Variants in KIAA1217 observed in about 807,000 individuals in gnomAD.
The protein encoded by KIAA1217 is KIAA1217.
KIAA1217 carries 88 observed loss-of-function variants against 163.9 expected under a neutral mutation model. The ratio of observed to expected loss-of-function variants is 0.54; its 90% confidence interval spans 0.45 to 0.64. The LOEUF (loss-of-function observed/expected upper bound fraction) is 0.64, where lower values mean the gene tolerates loss of function less well. Among genes scored for constraint, KIAA1217 ranks in the 30% least tolerant of loss-of-function variants. The probability of loss-of-function intolerance (pLI) is 0.00; values close to 1 mark genes in which losing one functional copy is unlikely to be tolerated. For synonymous variants in KIAA1217, 903 were observed against 923.1 expected (o/e 0.98, Z 0.39); for missense variants, 2,372 against 2,475.0 (o/e 0.96, Z 0.88).
At chr10:24,291,141 A>G (rs2079048232) in intron 2 of KIAA1217, among the ~76,000 whole-genome samples, 1 of 152,208 alleles carries the variant, frequency 6.6e-6, no homozygotes, top group African/African-American at 2.4e-5. Flanking sequence ...CTTGTGGACA[A>G]CAAAGACCCA....
chr10:23,801,344 G>C (rs1836457344), intron 1 of KIAA1217, among the ~76,000 whole-genome samples: 1 of 152,170 alleles, frequency 6.6e-6, no homozygotes, highest in Non-Finnish European at 1.5e-5. Context: ...AAGACTAGGG[G>C]AGGGATAGCG....
intron 6 of KIAA1217, among the ~76,000 whole-genome samples, chr10:24,491,488 C>A (rs2066141966): frequency 6.6e-6 from 1 of 151,954 alleles, no homozygotes; most frequent in Non-Finnish European, 1.5e-5. Flanking sequence ...CGGGATTTCA[C>A]CATGTTGGCC....
intron 1 of KIAA1217, among the ~76,000 whole-genome samples, chr10:23,832,579 C>A (rs901794335): frequency 1.3e-5 from 2 of 152,128 alleles, no homozygotes; most frequent in African/African-American, 4.8e-5. Context: ...GCAGCCACCT[C>A]CCCATCCTAG....
rs148009176 is a variant in KIAA1217 at position 24,398,142 on chromosome 10, A to T, written c.553+17075A>T. ...GAGCAGAAGGCTTGCCAATAACATAAGTAGTCAATTAACACATATTCGTAT... is the reference window on the plus strand; with the variant it reads ...GAGCAGAAGGCTTGCCAATAACATATGTAGTCAATTAACACATATTCGTAT... On this transcript the variant is annotated intron_variant, in intron 3 of 20. Transcript: ENST00000376454. 2.0e-5 allele frequency among the ~76,000 whole-genome samples: 3 copies of T among 152,346 alleles called. No individual in the cohort carries two copies. In the East Asian group the frequency reaches 5.8e-4, roughly 29 times the overall value.
chr10:24,487,333 G>A (rs1251029299), intron 6 of KIAA1217, among the ~76,000 whole-genome samples: 3 of 152,218 alleles, frequency 2.0e-5, no homozygotes, highest in African/African-American at 7.2e-5. Context: ...CCGAAGCCTA[G>A]GATCAGGAAG....
intron 1 of KIAA1217, among the ~76,000 whole-genome samples, chr10:23,802,157 A>G (rs1836497919): frequency 6.6e-6 from 1 of 152,176 alleles, no homozygotes; most frequent in South Asian, 2.1e-4. Context: ...AAGGGCAGAT[A>G]CATGAGCTTG....
In KIAA1217 at chr10:23,738,974, G is replaced by T. The variant is rs148460852; in HGVS notation, c.-321+43740G>T. 4.2e-4 allele frequency among the ~76,000 whole-genome samples: 64 copies of T among 152,210 alleles called. 4 individuals are homozygous for T. The East Asian group carries it at 0.012, about 29-fold the overall frequency. ...TAGGGAAAGGAGAGAAGAATTTTTG[G>T]ATCAGGTGCATGGGTTGCTTTTAAA... On this transcript the variant is annotated intron_variant, in intron 1 of 18. Coordinates refer to the KIAA1217 transcript ENST00000376462.
In KIAA1217 at chr10:23,834,741, G is replaced by A. The variant is rs1588911961; in HGVS notation, c.-321+139507G>A. Among the ~76,000 whole-genome samples the A allele has an allele frequency of 2.0e-5, 3 of 152,216 alleles. No homozygotes were observed. The East Asian group carries it at 5.8e-4, about 29-fold the overall frequency. On this transcript the variant is annotated intron_variant, in intron 1 of 18. Transcript: ENST00000376462. Reference sequence around the variant, plus strand: ...ATAAAACTAAATGGATTGCATGTGGGTTATGATAGAAGAATCAAGGACAAC... The same window carrying A: ...ATAAAACTAAATGGATTGCATGTGGATTATGATAGAAGAATCAAGGACAAC...
rs1052247537 is a variant in KIAA1217, at chr10:24,509,052, G to A, written c.2002-4207G>A. On this transcript the variant is annotated intron_variant, in intron 9 of 20. Coordinates refer to ENST00000376454, the MANE Select transcript of KIAA1217 (RefSeq NM_019590.5). ...ATGTTTTATTGTCTGTAAACTTTGT[G>A]CCTCAAGACAGTTGATTTTAACTAT... Among the ~76,000 whole-genome samples the A allele has an allele frequency of 2.6e-5, 4 of 152,196 alleles. No individual in the cohort carries two copies. The South Asian group carries it at 6.2e-4, about 24-fold the overall frequency.
Position 24,292,909 on chromosome 10 carries a change from G to C in KIAA1217, c.354+73000G>C, listed in dbSNP as rs369796657. Among the ~76,000 whole-genome samples, 6 of 152,178 alleles carry C rather than the reference G, an allele frequency of 3.9e-5. No homozygotes were observed. In the East Asian group the frequency reaches 5.8e-4, roughly 15 times the overall value. ...AAAGGTGGCCTGAAATATGATCTGA[G>C]TATATCTGGAAATACGCAGACATCT... is the stretch of plus-strand genomic sequence containing the variant. On this transcript the variant is annotated intron_variant, in intron 2 of 20. Transcript: ENST00000376454.
chr10:24,267,590 G>A (rs1397409508), intron 2 of KIAA1217, among the ~76,000 whole-genome samples: 1 of 152,264 alleles, frequency 6.6e-6, no homozygotes, highest in East Asian at 1.9e-4. Flanking sequence ...TGGGATTACA[G>A]GCATGAGCCA....
chr10:24,462,390 C>T (rs1365181916), intron 5 of KIAA1217, among the ~76,000 whole-genome samples: 2 of 152,110 alleles, frequency 1.3e-5, no homozygotes, highest in African/African-American at 4.8e-5. Context: ...ATGTTTCACA[C>T]CATGGCCAGA....
chr10:24,543,370 A>C lies in KIAA1217; in HGVS notation c.4100A>C (p.Glu1367Ala). 1.9e-6 allele frequency: 3 copies of C among 1,614,202 alleles called. No individual in the cohort carries two copies. The highest frequency in any genetic ancestry group is 2.5e-6 in the Non-Finnish European group (3 of 1,180,034). Residue 1367 changes from glutamate (E) to alanine (A), a missense_variant, in exon 19 of 21, where the codon GAA becomes GCA. Physicochemically the swap from Glu to Ala is moderately radical, Grantham distance 107. Around this residue, in one of 3 missense-constraint regions of KIAA1217, gnomAD observed 251 missense variants for 327.3 expected, o/e 0.77. Transcript: ENST00000376454. ...AACGTGAACCCTAATGAGGATGGAGAATCAAGTTCAAGTTCTCCCACTGAA... is the reference window on the plus strand; with the variant it reads ...AACGTGAACCCTAATGAGGATGGAGCATCAAGTTCAAGTTCTCCCACTGAA... ...HANVNPNEDG[E>A]SSSSSPTEEN...
intron 5 of KIAA1217, among the ~76,000 whole-genome samples, chr10:24,457,324 C>T (rs1409952762): frequency 5.1e-5 from 7 of 137,456 alleles, no homozygotes; most frequent in Non-Finnish European, 1.1e-4. Context: ...TAATCAAGAA[C>T]TTTTTGTTTG....
intron 9 of KIAA1217, among the ~76,000 whole-genome samples, chr10:24,507,956 G>C (rs1202497288): frequency 2.0e-5 from 3 of 152,176 alleles, no homozygotes; most frequent in Non-Finnish European, 4.4e-5. Flanking sequence ...ACAGTGGAAT[G>C]ACGTCTTTAA....
chr10:23,745,324 T>TA (rs1389417816), intron 1 of KIAA1217, among the ~76,000 whole-genome samples: 1 of 152,218 alleles, frequency 6.6e-6, no homozygotes, highest in Admixed American at 6.5e-5. Flanking sequence ...GAAAGCACAT[T>TA]ATATGACACT....
chr10:24,435,829 C>G (rs1295963488), intron 4 of KIAA1217, among the ~76,000 whole-genome samples: 3 of 151,422 alleles, frequency 2.0e-5, no homozygotes, highest in African/African-American at 7.3e-5. Flanking sequence ...AAATGATGAT[C>G]TTGTTGATCC....
chr10:23,854,998 C>A (rs12254859), intron 1 of KIAA1217, among the ~76,000 whole-genome samples: 3,674 of 152,126 alleles, frequency 0.024, 168 homozygotes, highest in African/African-American at 0.084. Flanking sequence ...TTAATTGGAG[C>A]ATTTAGTCCA....
intron 1 of KIAA1217, among the ~76,000 whole-genome samples, chr10:23,978,815 AT>A (rs1210862970): frequency 3.9e-5 from 6 of 152,222 alleles, no homozygotes; most frequent in Admixed American, 3.3e-4. Flanking sequence ...TCAATAAGTA[AT>A]TTAATTTCTT....
Sources: gnomAD v4.1 joint callset for allele counts (sites outside exome capture counted in the v4.1 genomes callset) on GRCh38, gnomAD v4.1.1 for gene constraint, gnomAD v4.1.1 regional missense constraint, MANE v1.5 for transcripts, NCBI Gene and HGNC (gene_info 2026-07-23, HGNC 2026-07-21) for gene names.